The following FGFR2 variants were observed in gnomAD, a reference collection of about 807,000 sequenced individuals.
FGFR2 encodes the protein BEK fibroblast growth factor receptor.
FGFR2 carries 19 observed loss-of-function variants against 95.9 expected under a neutral mutation model. The ratio of observed to expected loss-of-function variants is 0.20; its 90% confidence interval spans 0.14 to 0.29. The LOEUF (loss-of-function observed/expected upper bound fraction) is 0.29. FGFR2 is among the 10% of genes least tolerant of loss of function. FGFR2 has a pLI of 1.00. For missense variants in FGFR2, 707 were observed against 1,056.9 expected (o/e 0.67, Z 4.59); for synonymous variants, 392 against 393.3 (o/e 1.00, Z 0.04).
At chr10:121,524,825 C>T (rs953155020) in intron 6 of FGFR2, among the ~76,000 whole-genome samples, 4 of 152,186 alleles carry the variant, frequency 2.6e-5, no homozygotes, top group African/African-American at 7.2e-5. Context: ...GTGTTCTCCC[C>T]ACCAGGAACC....
chr10:121,502,077 G>C (rs1589773169), intron 10 of FGFR2, among the ~76,000 whole-genome samples: 1 of 152,188 alleles, frequency 6.6e-6, no homozygotes, highest in South Asian at 2.1e-4. Context: ...GGAGGTAACA[G>C]TTGGGCACAT....
At chr10:121,500,232 G>A (rs990329211) in intron 11 of FGFR2, among the ~76,000 whole-genome samples, 4 of 152,214 alleles carry the variant, frequency 2.6e-5, no homozygotes, top group African/African-American at 9.6e-5. Flanking sequence ...AGTGTTCACA[G>A]TCCCACAAAC....
rs67778522 is a variant in FGFR2, at chr10:121,509,482, C to CTTTTTTTT, written c.1288-5549_1288-5542dup. On this transcript the variant is annotated intron_variant, in intron 9 of 17. Transcript: ENST00000358487. ...AGAAACAGTGTTATCTGTTTCTTTT[C>CTTTTTTTT]TTTTTTTTTTTTTTTTTTTTTTTTT... 1.8e-3 allele frequency among the ~76,000 whole-genome samples: 81 copies of CTTTTTTTT among 45,348 alleles called. 1 individual carries two copies. The highest frequency in any genetic ancestry group is 3.5e-3 in the African/African-American group (41 of 11,568). The allele number at this position is 45,348 out of a possible 152,430, so 29.8% of individuals were successfully genotyped here.
intron 17 of FGFR2, chr10:121,482,128 C>A (rs775447145): frequency 6.9e-6 from 11 of 1,603,914 alleles, no homozygotes; most frequent in Non-Finnish European, 9.4e-6. Flanking sequence ...TGAGCCACTG[C>A]GCCTGACCAA....
intron 9 of FGFR2, among the ~76,000 whole-genome samples, chr10:121,505,708 A>G (rs1417830861): frequency 6.6e-6 from 1 of 152,174 alleles, no homozygotes; most frequent in Non-Finnish European, 1.5e-5. Flanking sequence ...GTGGTATCCA[A>G]CCTCACTGTA....
chr10:121,516,774 C>T (rs1438393005), intron 8 of FGFR2, among the ~76,000 whole-genome samples: 2 of 152,176 alleles, frequency 1.3e-5, no homozygotes, highest in East Asian at 3.8e-4. Context: ...TGAAAGCAAA[C>T]CGAAAGTCCA....
At chr10:121,577,178 T>TATAGAGAGAGAGAGAGAGAGAGAGAGAG in intron 2 of FGFR2, among the ~76,000 whole-genome samples, 1 of 5,216 alleles carries the variant, frequency 1.9e-4, no homozygotes, top group African/African-American at 7.8e-4. Context: ...TATATATATA[T>TATAGAGAGAGAGAGAGAGAGAGAGAGAG]AGAGAGAGAG....
chr10:121,561,411 C>T (rs370985905), intron 4 of FGFR2, among the ~76,000 whole-genome samples: 35 of 138,344 alleles, frequency 2.5e-4, no homozygotes, highest in African/African-American at 6.2e-4. Flanking sequence ...GCAACAAGAG[C>T]GAAACTCCCA....
rs79517519 is a variant in FGFR2, at chr10:121,518,087, A to G, written c.940-624T>C. The G allele has an allele frequency of 8.5e-4, 418 of 489,562 alleles. 6 individuals carry two copies. In the East Asian group the frequency reaches 0.019, roughly 22 times the overall value. 30.3% of individuals were successfully genotyped at this position (489,562 alleles called of 1,614,324 possible). ...AACTGGGCTTTTTCTCTTTTCATTAATAAACATTTGGATGTGAGTCATGAC... is the reference window on the plus strand; with the variant it reads ...AACTGGGCTTTTTCTCTTTTCATTAGTAAACATTTGGATGTGAGTCATGAC... On this transcript the variant is annotated intron_variant, in intron 7 of 17. Transcript: ENST00000358487. The surrounding 1 kb of genome is among the most constrained non-coding windows in gnomAD (Gnocchi z 4.0).
Position 121,538,711 on chromosome 10 carries a change from C to T in FGFR2, c.629G>A (p.Arg210Gln), listed in dbSNP as rs2134609287. The T allele has an allele frequency of 6.2e-7, 1 of 1,614,142 alleles. No individual in the cohort carries two copies. Among genetic ancestry groups the T allele is most frequent in the Non-Finnish European group, 8.5e-7 (1 of 1,180,020 alleles). Reference sequence around the variant, plus strand: ...CATAATGAGGCTCCAGTGCTGGTTTCGTACCTGAAAAGATCAAAGCAAAGG... The same window carrying T: ...CATAATGAGGCTCCAGTGCTGGTTTTGTACCTGAAAAGATCAAAGCAAAGG... ...QEHRIGGYKVRNQHWSLIMES... is the reference protein window; with the variant it reads ...QEHRIGGYKVQNQHWSLIMES... Residue 210 changes from arginine (R) to glutamine (Q), a missense_variant, in exon 6 of 18, where the codon CGA (arginine) becomes CAA (glutamine). Physicochemically the swap from Arg to Gln is conservative, Grantham distance 43 (BLOSUM62 1). Coordinates refer to ENST00000358487, the MANE Select transcript of FGFR2 (RefSeq NM_000141.5).
At chr10:121,530,763 A>C (rs543406899) in intron 6 of FGFR2, among the ~76,000 whole-genome samples, 117 of 152,330 alleles carry the variant, frequency 7.7e-4, no homozygotes, top group African/African-American at 2.7e-3. Flanking sequence ...AAATATAAGC[A>C]ACTTATTAAA....
intron 6 of FGFR2, among the ~76,000 whole-genome samples, chr10:121,530,750 T>C (rs1851980894): frequency 6.6e-6 from 1 of 152,136 alleles, no homozygotes; most frequent in African/African-American, 2.4e-5. Flanking sequence ...ACCACAAAAC[T>C]CCAAATATAA....
chr10:121,534,894 G>A (rs1232037293), intron 6 of FGFR2, among the ~76,000 whole-genome samples: 2 of 152,220 alleles, frequency 1.3e-5, no homozygotes, highest in Non-Finnish European at 2.9e-5. Context: ...GAGCTGAAGG[G>A]TGACCTTTGA....
At chr10:121,510,565 G>C (rs1420750188) in intron 9 of FGFR2, among the ~76,000 whole-genome samples, 1 of 152,064 alleles carries the variant, frequency 6.6e-6, no homozygotes, top group Non-Finnish European at 1.5e-5. Flanking sequence ...ACGAGCTTCT[G>C]GGAGTAGAAC....
At chr10:121,537,759 A>G (rs924312755) in intron 6 of FGFR2, among the ~76,000 whole-genome samples, 2 of 152,226 alleles carry the variant, frequency 1.3e-5, no homozygotes, top group African/African-American at 4.8e-5. Context: ...GTCAAGGCAC[A>G]TGACAGGAAA....
intron 13 of FGFR2, among the ~76,000 whole-genome samples, chr10:121,489,801 A>G (rs905719744): frequency 5.3e-5 from 8 of 152,190 alleles, no homozygotes; most frequent in Non-Finnish European, 7.3e-5. Flanking sequence ...TCCCACTGCT[A>G]ATGCCTTAGT....
At chr10:121,582,103 T>C (rs1861023290) in intron 2 of FGFR2, among the ~76,000 whole-genome samples, 2 of 152,050 alleles carry the variant, frequency 1.3e-5, no homozygotes, top group African/African-American at 2.4e-5. Context: ...GGCTAATTTT[T>C]GTATTTTTAG....
chr10:121,490,012 A>G (rs1319293925), intron 13 of FGFR2, among the ~76,000 whole-genome samples: 1 of 152,178 alleles, frequency 6.6e-6, no homozygotes, highest in Non-Finnish European at 1.5e-5. Context: ...AGTTTCTCCT[A>G]ACACCTGGCC....
intron 4 of FGFR2, among the ~76,000 whole-genome samples, chr10:121,553,246 GAGA>G (rs1167494417): frequency 2.0e-5 from 3 of 152,184 alleles, no homozygotes; most frequent in East Asian, 1.9e-4. Flanking sequence ...GAAGCCAGGA[GAGA>G]AGAAGAGGAA....
Sources: gnomAD v4.1 joint callset for allele counts (sites outside exome capture counted in the v4.1 genomes callset) on GRCh38, gnomAD v4.1.1 for gene constraint, Gnocchi (gnomAD v3.1) non-coding constraint, MANE v1.5 for transcripts, NCBI Gene and HGNC (gene_info 2026-07-23, HGNC 2026-07-21) for gene names.